SPTLC2: variants seen among roughly 807,000 people sequenced by gnomAD.
SPTLC2 encodes the protein serine palmitoyltransferase long chain base subunit 2, also known as serine palmitoyltransferase 2.
In SPTLC2, 21 loss-of-function variants were observed where a neutral mutation model predicts 62.0. The observed-to-expected ratio is 0.34, with a 90% CI of 0.24 to 0.49. SPTLC2 has a LOEUF of 0.49. Among genes scored for constraint, SPTLC2 ranks in the 20% least tolerant of loss-of-function variants. SPTLC2 has a pLI of 0.99. For missense variants in SPTLC2, 511 were observed against 713.0 expected (o/e 0.72, Z 3.23); for synonymous variants, 261 against 261.8 (o/e 1.00, Z 0.03).
chr14:77,608,571 C>T (rs957720797), intron 1 of SPTLC2, among the ~76,000 whole-genome samples: 1 of 152,106 alleles, frequency 6.6e-6, no homozygotes. Context: ...AAATACACTC[C>T]TGTGAGAGAG....
At chr14:77,579,871 T>C (rs548657751) in intron 2 of SPTLC2, among the ~76,000 whole-genome samples, 13 of 152,348 alleles carry the variant, frequency 8.5e-5, no homozygotes, top group Admixed American at 3.3e-4. Context: ...TGGTTTCAAA[T>C]AACTGACTTC....
At chr14:77,553,257 T>C (rs1476900026) in intron 8 of SPTLC2, among the ~76,000 whole-genome samples, 1 of 152,144 alleles carries the variant, frequency 6.6e-6, no homozygotes, top group African/African-American at 2.4e-5. Context: ...TGAAACAGTT[T>C]TATCTCAAAA....
chr14:77,580,633 G>T (rs533523433), intron 2 of SPTLC2, among the ~76,000 whole-genome samples: 1 of 151,170 alleles, frequency 6.6e-6, no homozygotes, highest in Non-Finnish European at 1.5e-5. Context: ...TAAGGTGGAA[G>T]GATCGCTTGT....
chr14:77,571,121 C>T (rs886501311), intron 4 of SPTLC2, among the ~76,000 whole-genome samples: 1 of 152,220 alleles, frequency 6.6e-6, no homozygotes, highest in Non-Finnish European at 1.5e-5. Flanking sequence ...ACATCAGGCC[C>T]TCCCTAAATT....
At chr14:77,518,194 A>G (rs2079368100) in intron 10 of SPTLC2, 27 bp from the exon 11 acceptor site, 1 of 1,613,780 alleles carries the variant, frequency 6.2e-7, no homozygotes, top group Non-Finnish European at 8.5e-7. Context: ...AAGAACAGAA[A>G]CCAGGAGGAG....
chr14:77,596,074 A>C (rs1347259096), intron 2 of SPTLC2, among the ~76,000 whole-genome samples: 2 of 152,158 alleles, frequency 1.3e-5, no homozygotes, highest in African/African-American at 4.8e-5. Context: ...ACAGTGGTTC[A>C]CACCTGTAAT....
At chr14:77,579,185 C>A (rs140961635) in intron 2 of SPTLC2, 76 bp from the exon 3 acceptor site, 1 of 1,487,562 alleles carries the variant, frequency 6.7e-7, no homozygotes, top group Non-Finnish European at 9.2e-7. Flanking sequence ...ATGACATGAT[C>A]TTTTATTTAT....
intron 7 of SPTLC2, among the ~76,000 whole-genome samples, chr14:77,556,024 C>CT (rs2079581435): frequency 6.6e-6 from 1 of 151,952 alleles, no homozygotes; most frequent in Non-Finnish European, 1.5e-5. Context: ...GAAAACTGGA[C>CT]TTTTAAAACA....
chr14:77,549,856 G>A (rs2079547089), intron 9 of SPTLC2, among the ~76,000 whole-genome samples: 1 of 152,206 alleles, frequency 6.6e-6, no homozygotes, highest in Non-Finnish European at 1.5e-5. Flanking sequence ...TGGGGGTAAT[G>A]TGTCACACAG....
At chr14:77,583,145 A>G (rs1374849533) in intron 2 of SPTLC2, among the ~76,000 whole-genome samples, 2 of 151,992 alleles carry the variant, frequency 1.3e-5, no homozygotes, top group Non-Finnish European at 2.9e-5. Flanking sequence ...GGCTGTAGTG[A>G]GCCAAGATCG....
intron 4 of SPTLC2, 69 bp from the exon 5 acceptor site, chr14:77,570,577 A>G: frequency 6.5e-7 from 1 of 1,542,048 alleles, no homozygotes; most frequent in African/African-American, 1.3e-5. Context: ...TCACTTTATT[A>G]AAAGAAATCA....
intron 8 of SPTLC2, among the ~76,000 whole-genome samples, chr14:77,553,808 T>C (rs978556433): frequency 1.3e-5 from 2 of 151,164 alleles, no homozygotes. Context: ...GGCAATCAAG[T>C]ATTAAAAGAA....
chr14:77,538,843 T>C (rs1464926353), intron 9 of SPTLC2, among the ~76,000 whole-genome samples: 4 of 152,092 alleles, frequency 2.6e-5, no homozygotes, highest in African/African-American at 4.8e-5. Context: ...AGTGCTGGGA[T>C]TGCAGGCATG....
chr14:77,562,304 T>G (rs2079619127), intron 6 of SPTLC2, 92 bp downstream of exon 6: 1 of 1,111,284 alleles, frequency 9.0e-7, no homozygotes, highest in Non-Finnish European at 1.4e-6. Flanking sequence ...TCATTTATAC[T>G]TTCAAGTGCT....
chr14:77,570,654 T>G (rs1211661090), intron 4 of SPTLC2, 146 bp from the exon 5 acceptor site: 1 of 909,372 alleles, frequency 1.1e-6, no homozygotes, highest in African/African-American at 1.7e-5. Context: ...AAGAGTAATA[T>G]TCTTCATAAT....
intron 2 of SPTLC2, among the ~76,000 whole-genome samples, chr14:77,585,053 C>T (rs1439797984): frequency 6.6e-6 from 1 of 152,212 alleles, no homozygotes; most frequent in East Asian, 1.9e-4. Context: ...TGCCAGCACT[C>T]AGAGTACTCA....
intron 11 of SPTLC2, 46 bp from the exon 12 acceptor site, chr14:77,512,449 T>C (rs1201516989): frequency 1.9e-6 from 3 of 1,613,890 alleles, no homozygotes; most frequent in East Asian, 4.5e-5. Flanking sequence ...GCCAGTAGGA[T>C]GCAGGCATGC....
intron 5 of SPTLC2, among the ~76,000 whole-genome samples, chr14:77,562,832 G>A (rs2079622407): frequency 6.6e-6 from 1 of 152,140 alleles, no homozygotes; most frequent in South Asian, 2.1e-4. Context: ...AGAATTCCAT[G>A]TAGTTTTAGT....
rs924928610 is a variant in SPTLC2, at chr14:77,596,201, C to T, written c.327+985G>A. Among the ~76,000 whole-genome samples, 9 of 151,956 alleles carry T rather than the reference C, an allele frequency of 5.9e-5. No homozygotes were observed. In the East Asian group the frequency reaches 7.8e-4, roughly 13 times the overall value. ...AAACACAAAAAAAATTAGCCGGGCA[C>T]GGTGGCAGGCACCTGTAGTCCCAGA... is the stretch of plus-strand genomic sequence containing the variant. On this transcript the variant is annotated intron_variant, in intron 2 of 11. Transcript: ENST00000216484.
Sources: allele counts gnomAD v4.1 joint callset (sites outside exome capture counted in the v4.1 genomes callset), GRCh38; gene constraint gnomAD v4.1.1; transcripts MANE v1.5; gene names NCBI Gene and HGNC (gene_info 2026-07-23, HGNC 2026-07-21).